Variants in ZNF600 observed in about 807,000 individuals in gnomAD.
ZNF600 encodes the protein zinc finger protein 600, also known as zinc finger protein KR-ZNF1.
Under a neutral mutation model 7.3 loss-of-function variants are expected in ZNF600, and 4 were observed. That is an observed-to-expected ratio of 0.55 (90% CI 0.27 to 1.25). The LOEUF is 1.25. Among genes scored for constraint, ZNF600 ranks in the 50% most tolerant of loss-of-function variants. ZNF600 has a pLI of 0.12. For missense variants in ZNF600, 911 were observed against 922.1 expected (o/e 0.99, Z 0.16); for synonymous variants, 290 against 308.9 (o/e 0.94, Z 0.64).
At chr19:52,821,058 G>A in the ZNF600 span, among the ~76,000 whole-genome samples, 1 of 152,158 alleles carries the variant, frequency 6.6e-6, no homozygotes, top group Non-Finnish European at 1.5e-5. Flanking sequence ...CCTCTCCAAC[G>A]CGGGCTCAGG....
chr19:52,829,105 T>C, the ZNF600 span, among the ~76,000 whole-genome samples: 121,567 of 151,924 alleles, frequency 0.8, 49,077 homozygotes, highest in Middle Eastern at 0.9. Context: ...ACCTTGTGAT[T>C]CACCCGCCTC....
At chr19:52,812,177 T>TTA in the ZNF600 span, among the ~76,000 whole-genome samples, 1 of 125,540 alleles carries the variant, frequency 8.0e-6, no homozygotes, top group Admixed American at 7.7e-5. Flanking sequence ...AGCCGCCCCA[T>TTA]CTGGGAGGTG....
intron 3 of ZNF600, among the ~76,000 whole-genome samples, chr19:52,774,369 C>G (rs764095254): frequency 2.0e-5 from 3 of 150,456 alleles, no homozygotes; most frequent in Non-Finnish European, 4.4e-5. Flanking sequence ...GCAGAGGTTG[C>G]GGTGAGCCAA....
chr19:52,832,571 G>A, the ZNF600 span, among the ~76,000 whole-genome samples: 25,923 of 151,670 alleles, frequency 0.17, 2,882 homozygotes, highest in Admixed American at 0.28. Flanking sequence ...CTCCAGCTTG[G>A]GCAATAGAGC....
the ZNF600 span, among the ~76,000 whole-genome samples, chr19:52,803,799 A>C: frequency 3.3e-5 from 5 of 152,108 alleles, no homozygotes; most frequent in South Asian, 2.1e-4. Context: ...TCTACTAAAA[A>C]TACAAAAAAA....
upstream of ZNF600, among the ~76,000 whole-genome samples, chr19:52,787,193 G>C (rs546939937): frequency 2.6e-5 from 4 of 152,168 alleles, no homozygotes; most frequent in African/African-American, 9.7e-5. Context: ...GATGCGGGAC[G>C]GAGAGCTCAG....
the ZNF600 span, among the ~76,000 whole-genome samples, chr19:52,813,352 AG>A: frequency 6.8e-6 from 1 of 147,834 alleles, no homozygotes. Flanking sequence ...AGGCCCAGGG[AG>A]TGGGGCAGGG....
the ZNF600 span, among the ~76,000 whole-genome samples, chr19:52,796,331 A>C: frequency 1.3e-5 from 2 of 152,192 alleles, no homozygotes; most frequent in Non-Finnish European, 2.9e-5. Context: ...ACGAGACAGC[A>C]ATCAATACAT....
At chr19:52,783,678 A>G (rs966476602) in intron 1 of ZNF600, among the ~76,000 whole-genome samples, 5 of 151,938 alleles carry the variant, frequency 3.3e-5, no homozygotes, top group Non-Finnish European at 7.4e-5. Flanking sequence ...GGCATTCTAT[A>G]CATAGCTCTT....
intron 3 of ZNF600, among the ~76,000 whole-genome samples, chr19:52,771,975 T>C (rs114340527): frequency 0.04 from 6,062 of 152,244 alleles, 381 homozygotes; most frequent in African/African-American, 0.13. Flanking sequence ...CATCTCATCA[T>C]CAACATCACT....
chr19:52,826,484 G>A, the ZNF600 span, among the ~76,000 whole-genome samples: 1 of 152,064 alleles, frequency 6.6e-6, no homozygotes, highest in South Asian at 2.1e-4. Context: ...GAGGTGGAAA[G>A]ATCATGAGGT....
At chr19:52,765,442 G>A in exon 4 of ZNF600, 2 of 1,231,796 alleles carry the variant, frequency 1.6e-6, no homozygotes, top group South Asian at 1.2e-5. Flanking sequence ...TCTCCAGTAT[G>A]AGTGTGTCAA....
the ZNF600 span, chr19:52,809,834 C>CGGCGGTGGCGGTGGT: frequency 3.6e-5 from 20 of 555,646 alleles, no homozygotes; most frequent in Non-Finnish European, 1.6e-5. Flanking sequence ...GCGGCGGCGG[C>CGGCGGTGGCGGTGGT]GGCGGTGGCG....
the ZNF600 span, chr19:52,807,975 A>G: frequency 6.2e-7 from 1 of 1,612,142 alleles, no homozygotes; most frequent in Non-Finnish European, 8.5e-7. Context: ...ACAAAGATAC[A>G]CAAGGGCACA....
At chr19:52,766,911 G>C in exon 4 of ZNF600, 1 of 1,614,028 alleles carries the variant, frequency 6.2e-7, no homozygotes, top group Non-Finnish European at 8.5e-7. Context: ...CTGATTAAAA[G>C]CTTTGTCACA....
the ZNF600 span, chr19:52,799,345 T>C: frequency 7.5e-6 from 4 of 530,424 alleles, no homozygotes; most frequent in Non-Finnish European, 1.4e-5. Flanking sequence ...TCATAAACCT[T>C]ACATCTGTGT....
the ZNF600 span, among the ~76,000 whole-genome samples, chr19:52,816,834 AAATAATAATAATAATAATAAT>A: frequency 7.2e-5 from 10 of 138,422 alleles, no homozygotes; most frequent in African/African-American, 2.4e-4. Context: ...CCGTTTCAGA[AAATAATAATAATAATAATAAT>A]AATAATAATA....
At chr19:52,772,416 A>G (rs1224437593) in intron 3 of ZNF600, among the ~76,000 whole-genome samples, 1 of 152,188 alleles carries the variant, frequency 6.6e-6, no homozygotes, top group Non-Finnish European at 1.5e-5. Context: ...CAGCCTGGCC[A>G]ACATGGTGAA....
At chr19:52,800,191 T>C in the ZNF600 span, 63 of 1,613,368 alleles carry the variant, frequency 3.9e-5, no homozygotes, top group Non-Finnish European at 5.2e-5. Context: ...TCTTCACATT[T>C]GTACGGTTTC....
Sources: gnomAD v4.1 joint callset for allele counts (sites outside exome capture counted in the v4.1 genomes callset) on GRCh38, gnomAD v4.1.1 for gene constraint, MANE v1.5 for transcripts, NCBI Gene and HGNC (gene_info 2026-07-23, HGNC 2026-07-21) for gene names.